The following BCAS3 variants were observed in gnomAD, a reference collection of about 807,000 sequenced individuals.
BCAS3 encodes BCAS3 microtubule associated cell migration factor.
In BCAS3, 53 loss-of-function variants were observed where a neutral mutation model predicts 116.1. That is an observed-to-expected ratio of 0.46 (90% CI 0.37 to 0.57). The LOEUF (loss-of-function observed/expected upper bound fraction) is 0.57. Ranked by LOEUF, BCAS3 falls within the 20% of genes least tolerant of loss-of-function variation. The pLI is 0.00. For missense variants in BCAS3, 917 were observed against 1,165.4 expected (o/e 0.79, Z 3.10); for synonymous variants, 391 against 408.2 (o/e 0.96, Z 0.51).
intron 6 of BCAS3, among the ~76,000 whole-genome samples, chr17:60,768,414 A>T (rs1303211159): frequency 6.6e-6 from 1 of 152,192 alleles, no homozygotes; most frequent in African/African-American, 2.4e-5. Context: ...ATACGTGAAA[A>T]GGCTAGACTG....
At chr17:60,802,295 A>AAAAAAAATAT (rs1299403402) in intron 6 of BCAS3, among the ~76,000 whole-genome samples, 4 of 127,946 alleles carry the variant, frequency 3.1e-5, no homozygotes, top group African/African-American at 1.5e-4. Flanking sequence ...AAAAAAAAAA[A>AAAAAAAATAT]ATATATATAT....
intron 4 of BCAS3, among the ~76,000 whole-genome samples, chr17:60,699,358 G>A (rs111929395): frequency 2.0e-5 from 3 of 152,214 alleles, no homozygotes; most frequent in Non-Finnish European, 4.4e-5. Context: ...AGGATTACAA[G>A]CATGCACCAT....
intron 14 of BCAS3, among the ~76,000 whole-genome samples, chr17:60,954,794 G>C (rs1953394103): frequency 6.6e-6 from 1 of 152,116 alleles, no homozygotes; most frequent in East Asian, 1.9e-4. Context: ...GGGTAATAAG[G>C]ATTATTATAT....
At chr17:61,328,667 A>C (rs1471217927) in intron 22 of BCAS3, among the ~76,000 whole-genome samples, 1 of 152,096 alleles carries the variant, frequency 6.6e-6, no homozygotes, top group African/African-American at 2.4e-5. Context: ...CAGGAGGCTG[A>C]AGTGGGAGGA....
intron 5 of BCAS3, among the ~76,000 whole-genome samples, chr17:60,728,567 C>T: frequency 6.6e-6 from 1 of 151,996 alleles, no homozygotes; most frequent in East Asian, 1.9e-4. Flanking sequence ...GCAACCTCCA[C>T]CTCCTGGGTT....
intron 17 of BCAS3, among the ~76,000 whole-genome samples, chr17:61,036,646 T>A (rs2067058097): frequency 6.6e-6 from 1 of 152,172 alleles, no homozygotes; most frequent in East Asian, 1.9e-4. Context: ...GACACAGAGA[T>A]AAGATGACCT....
At chr17:60,980,529 A>G (rs1402703736) in intron 14 of BCAS3, 1 of 140,110 alleles carries the variant, frequency 7.1e-6, no homozygotes, top group Non-Finnish European at 1.5e-5. Flanking sequence ...TCTTAATGGT[A>G]TTCTTTTTTT....
chr17:60,820,403 T>C (rs1198251882), intron 7 of BCAS3, among the ~76,000 whole-genome samples: 1 of 152,102 alleles, frequency 6.6e-6, no homozygotes, highest in Admixed American at 6.5e-5. Flanking sequence ...AGTCAGAAAC[T>C]AGGGGCTGGA....
At position 61,150,109 on chromosome 17, in the gene BCAS3, C is replaced by T. The variant is rs568221525; in HGVS notation, c.2425+65545C>T. ...GAGAGAGGCCTGAATAAAGTCCCAA[C>T]TAAACAGCCAATAATTCTTTGTTTG... On this transcript the variant is annotated intron_variant, in intron 22 of 23. Transcript: ENST00000407086. Among the ~76,000 whole-genome samples the T allele has an allele frequency of 7.2e-5, 11 of 152,296 alleles. No individual in the cohort carries two copies. In the South Asian group the frequency reaches 2.3e-3, roughly 32 times the overall value.
rs574119698 is a variant in BCAS3 at position 61,227,115 on chromosome 17, C to G, written c.2426-141212C>G. Among the ~76,000 whole-genome samples, 37 of 152,254 alleles carry G rather than the reference C, an allele frequency of 2.4e-4. 1 individual carries two copies. Among genetic ancestry groups the G allele is most frequent in the African/African-American group, 8.7e-4 (36 of 41,560 alleles). ...TTACTCCATAGTTAAGCTGATGTTA[C>G]GCGGTTAGCCAGAATGAACTGATTT... On this transcript the variant is annotated intron_variant, in intron 22 of 23. Transcript: ENST00000407086. This position sits in a 1 kb window ranked among gnomAD's most constrained non-coding sequence, Gnocchi z 6.1.
chr17:60,786,284 T>A (rs2046276522), intron 6 of BCAS3, among the ~76,000 whole-genome samples: 1 of 152,138 alleles, frequency 6.6e-6, no homozygotes, highest in Non-Finnish European at 1.5e-5. Context: ...GGTCCAGGGT[T>A]CAAGTCCCTG....
At chr17:60,931,577 G>A (rs751558867) in intron 13 of BCAS3, among the ~76,000 whole-genome samples, 32 of 151,836 alleles carry the variant, frequency 2.1e-4, no homozygotes, top group Non-Finnish European at 4.3e-4. Context: ...ACACCCGGCC[G>A]GAATCTTCTT....
rs1391000996 is a variant in BCAS3 at position 61,065,509 on chromosome 17, C to T, written c.2030-9411C>T. Reference sequence around the variant, plus strand: ...TGTTGGCCTTTGGGTGAACTTTGAGCCTGAGCTGTTTCATTCAAGGCAGCA... The same window carrying T: ...TGTTGGCCTTTGGGTGAACTTTGAGTCTGAGCTGTTTCATTCAAGGCAGCA... On this transcript the variant is annotated intron_variant, in intron 19 of 23. Transcript: ENST00000407086. The surrounding 1 kb of genome is among the most constrained non-coding windows in gnomAD (Gnocchi z 4.8). Among the ~76,000 whole-genome samples, 1 of 152,132 alleles carries T rather than the reference C, an allele frequency of 6.6e-6. No homozygotes were observed. Among genetic ancestry groups the T allele is most frequent in the Non-Finnish European group, 1.5e-5 (1 of 68,020 alleles).
chr17:61,027,050 A>G (rs1418947154), intron 16 of BCAS3: 4 of 679,294 alleles, frequency 5.9e-6, no homozygotes, highest in Middle Eastern at 2.6e-4. Context: ...TAGATGGAAC[A>G]TGAATGTTGA....
At chr17:61,067,255 T>G (rs2070724055) in intron 19 of BCAS3, among the ~76,000 whole-genome samples, 1 of 112,736 alleles carries the variant, frequency 8.9e-6, no homozygotes, top group Non-Finnish European at 1.7e-5. Flanking sequence ...TTTCATAACT[T>G]TATTTATGTG....
chr17:60,714,529 T>TACAG (rs1467442732), intron 5 of BCAS3, among the ~76,000 whole-genome samples: 1 of 152,120 alleles, frequency 6.6e-6, no homozygotes, highest in East Asian at 1.9e-4. Flanking sequence ...GGTGGCCACC[T>TACAG]GTAATCCCAG....
In BCAS3 at chr17:61,368,871, G is replaced by A. The variant is rs2058885111; in HGVS notation, c.2593+377G>A. Among the ~76,000 whole-genome samples the A allele has an allele frequency of 6.6e-6, 1 of 152,234 alleles. No individual in the cohort carries two copies. Among genetic ancestry groups the A allele is most frequent in the Admixed American group, 6.5e-5 (1 of 15,288 alleles). On this transcript the variant is annotated intron_variant, in intron 23 of 23. Coordinates refer to ENST00000407086, the MANE Select transcript of BCAS3 (RefSeq NM_017679.5). The surrounding 1 kb of genome is among the most constrained non-coding windows in gnomAD (Gnocchi z 6.0). ...GAGACTTAGAGATTGGCAAGTCTCA[G>A]TAGGGCCTGCCAACCTGAGCGGAGT...
intron 15 of BCAS3, among the ~76,000 whole-genome samples, chr17:61,001,097 A>T (rs1296895662): frequency 6.6e-6 from 1 of 152,112 alleles, no homozygotes; most frequent in East Asian, 1.9e-4. Context: ...TTTCCTATTA[A>T]CTTGTTCGTC....
intron 7 of BCAS3, among the ~76,000 whole-genome samples, chr17:60,844,247 G>A (rs1457036507): frequency 1.3e-5 from 2 of 152,176 alleles, no homozygotes; most frequent in Non-Finnish European, 2.9e-5. Flanking sequence ...TGGGATTACA[G>A]GCCTGAGCCA....
Sources: gnomAD v4.1 joint callset for allele counts (sites outside exome capture counted in the v4.1 genomes callset) on GRCh38, gnomAD v4.1.1 for gene constraint, Gnocchi (gnomAD v3.1) non-coding constraint, MANE v1.5 for transcripts, NCBI Gene and HGNC (gene_info 2026-07-23, HGNC 2026-07-21) for gene names.